The following CIITA variants were observed in gnomAD, a reference collection of about 807,000 sequenced individuals.
CIITA encodes class II major histocompatibility complex transactivator, also known as MHC class II transactivator.
CIITA carries 72 observed loss-of-function variants against 115.1 expected under a neutral mutation model. The ratio of observed to expected loss-of-function variants is 0.63; its 90% CI spans 0.52 to 0.76. The LOEUF (loss-of-function observed/expected upper bound fraction) is 0.76. Ranked by LOEUF, CIITA falls within the 30% of genes least tolerant of loss-of-function variation. The probability of loss-of-function intolerance (pLI) is 0.00; values close to 1 mark genes in which losing one functional copy is unlikely to be tolerated. For synonymous variants in CIITA, 763 were observed against 635.6 expected (o/e 1.20, Z -3.02); for missense variants, 1,617 against 1,463.8 (o/e 1.10, Z -1.71).
chr16:10,901,419 T>C lies in CIITA; in HGVS notation c.437-95T>C, dbSNP rs1426080021. ...GACCCCCAAGACCACTACCCAGCCT[T>C]GAAGTTAAGGCCGTATAGCCTGCTA... is the stretch of plus-strand genomic sequence containing the variant. On this transcript the variant is annotated intron_variant, in intron 5 of 19. Coordinates refer to ENST00000324288, the MANE Select transcript of CIITA (RefSeq NM_000246.4). The surrounding 1 kb of genome is among the most constrained non-coding windows in gnomAD (Gnocchi z 6.8). 2 of 1,360,474 alleles carry C rather than the reference T, an allele frequency of 1.5e-6. No homozygotes were observed. The highest frequency in any genetic ancestry group is 2.1e-6 in the Non-Finnish European group (2 of 955,948). The allele number at this position is 1,360,474 out of a possible 1,614,324, so 84.3% of individuals were successfully genotyped here.
At chr16:10,895,476 C>G (rs1596498335) in intron 2 of CIITA, 48 bp downstream of exon 2, 1 of 1,609,450 alleles carries the variant, frequency 6.2e-7, no homozygotes, top group African/African-American at 1.3e-5. Flanking sequence ...CACCCCTCAG[C>G]TTGCTGTAGA....
intron 2 of CIITA, 78 bp from the exon 3 acceptor site, chr16:10,895,591 T>C: frequency 6.3e-7 from 1 of 1,582,926 alleles, no homozygotes; most frequent in South Asian, 1.1e-5. Flanking sequence ...CTCCCAGCCC[T>C]GCCCCGCCTC....
rs1227750640 is a variant in CIITA at position 10,907,157 on chromosome 16, G to C, written c.1665G>C (p.Gln555His). The change falls in exon 11 of 20, where the codon CAG becomes CAC. Residue 555 changes from glutamine to histidine, a missense_variant. Physicochemically the swap from Gln to His is conservative, Grantham distance 24. Coordinates refer to ENST00000324288, the MANE Select transcript of CIITA (RefSeq NM_000246.4). The surrounding 1 kb of genome is among the most constrained non-coding windows in gnomAD (Gnocchi z 5.0). ...LTARPRGRLVQSLSKADALFE... is the reference protein window; with the variant it reads ...LTARPRGRLVHSLSKADALFE... ...CCCGGCCCCGGGGCCGCCTGGTCCA[G>C]AGCCTGAGCAAGGCCGACGCCCTAT... 1.2e-6 allele frequency: 2 copies of C among 1,612,878 alleles called. No individual in the cohort carries two copies. The highest frequency in any genetic ancestry group is 1.7e-6 in the Non-Finnish European group (2 of 1,179,826).
At chr16:10,871,291 A>C (rs1356504807) in intron 1 of CIITA, among the ~76,000 whole-genome samples, 1 of 152,176 alleles carries the variant, frequency 6.6e-6, no homozygotes, top group African/African-American at 2.4e-5. Flanking sequence ...CACAAGCCCA[A>C]CGTGCATGGT....
chr16:10,909,586 G>T (rs560991415), intron 12 of CIITA, among the ~76,000 whole-genome samples: 1 of 152,326 alleles, frequency 6.6e-6, no homozygotes, highest in South Asian at 2.1e-4. Flanking sequence ...GACAAAACTT[G>T]ATTACAGAAC....
At position 10,898,950 on chromosome 16, in the gene CIITA, C is replaced by T. The variant is rs140106499; in HGVS notation, c.384C>T (p.Ile128=). 157 of 1,613,906 alleles carry T rather than the reference C, an allele frequency of 9.7e-5. 1 individual carries two copies. In the South Asian group the frequency reaches 9.9e-4, roughly 10 times the overall value. The part of the protein sequence containing the change: ...IFKHIGPDEV[I]GESMEMPAEV... ...AGCACATAGGACCAGATGAAGTGAT[C>T]GGTGAGAGTATGGAGATGCCAGCAG... The change falls in exon 5 of 20, where the codon ATC becomes ATT. Residue 128 remains isoleucine (I), a synonymous_variant. Coordinates refer to ENST00000324288, the MANE Select transcript of CIITA (RefSeq NM_000246.4).
chr16:10,890,085 G>C (rs1009324549), intron 1 of CIITA, among the ~76,000 whole-genome samples: 1 of 152,154 alleles, frequency 6.6e-6, no homozygotes, highest in Non-Finnish European at 1.5e-5. Context: ...TGCTTAAGGT[G>C]CAGGCTTCAG....
At chr16:10,899,046 C>G (rs571040133) in intron 5 of CIITA, 44 bp downstream of exon 5, 5 of 1,590,742 alleles carry the variant, frequency 3.1e-6, no homozygotes, top group Admixed American at 1.7e-5. Flanking sequence ...TGCTTGAGAC[C>G]TGGCCTTTCC....
chr16:10,911,247 CTT>C (rs1230560796), intron 13 of CIITA, among the ~76,000 whole-genome samples: 5 of 149,632 alleles, frequency 3.3e-5, no homozygotes, highest in African/African-American at 1.2e-4. Flanking sequence ...TTCTTTCTTT[CTT>C]TCTCTCTTTC....
At chr16:10,922,833 G>A (rs950341969) in intron 18 of CIITA, 6 of 510,692 alleles carry the variant, frequency 1.2e-5, no homozygotes, top group East Asian at 3.5e-5. Context: ...ATTTCATATG[G>A]TTCAGGTTTA....
chr16:10,892,868 G>T (rs968631404), intron 1 of CIITA, among the ~76,000 whole-genome samples: 1 of 152,154 alleles, frequency 6.6e-6, no homozygotes, highest in Admixed American at 6.5e-5. Context: ...GGAGGTGGAG[G>T]TTGCAGTGAG....
Position 10,941,900 on chromosome 16 carries a change from C to T in CIITA, n.1026C>T. ...GCGTAGTACAGGATCAGCACATTGA[C>T]GAAGAACAGGCCCACGTAGAACATA... is the stretch of plus-strand genomic sequence containing the variant. On this transcript the variant is annotated non_coding_transcript_exon_variant, in exon 2 of 2. Transcript: ENST00000573379. This position sits in a 1 kb window ranked among gnomAD's most constrained non-coding sequence, Gnocchi z 6.4. The T allele has an allele frequency of 6.2e-7, 1 of 1,609,284 alleles. No homozygotes were observed.
At chr16:10,902,009 A>C in intron 6 of CIITA, 29 bp from the exon 7 acceptor site, 1 of 1,613,408 alleles carries the variant, frequency 6.2e-7, no homozygotes, top group Non-Finnish European at 8.5e-7. Context: ...CCAAGCACCC[A>C]GTCTCTAACA....
At chr16:10,895,648 C>T in intron 2 of CIITA, 21 bp from the exon 3 acceptor site, 1 of 1,613,960 alleles carries the variant, frequency 6.2e-7, no homozygotes, top group Non-Finnish European at 8.5e-7. Context: ...CCTTCTTCAT[C>T]CAAGGGACTT....
chr16:10,896,669 C>T (rs931860957), intron 3 of CIITA, among the ~76,000 whole-genome samples: 7 of 152,190 alleles, frequency 4.6e-5, no homozygotes, highest in Non-Finnish European at 7.3e-5. Context: ...AAGTGCAAGC[C>T]GGAGTCCTGC....
chr16:10,921,902 G>T (rs1201707154), intron 16 of CIITA, among the ~76,000 whole-genome samples: 1 of 152,322 alleles, frequency 6.6e-6, no homozygotes, highest in South Asian at 2.1e-4. Flanking sequence ...CTGAACAAGA[G>T]AACTAGTGGG....
chr16:10,895,700 G>A lies in CIITA; in HGVS notation c.231G>A (p.Gln77=). The A allele has an allele frequency of 6.2e-7, 1 of 1,614,094 alleles. No homozygotes were observed. The highest frequency in any genetic ancestry group is 8.5e-7 in the Non-Finnish European group (1 of 1,180,020). ...ACACAGACACCATCAACTGCGACCA[G>A]TTCAGCAGGCTGTTGTGTGACATGG... ...EPDTDTINCD[Q]FSRLLCDMEG... is the part of the protein sequence containing the mutation. The change falls in exon 3 of 20, where the codon CAG becomes CAA. Residue 77 remains glutamine (Q), a synonymous_variant. Transcript: ENST00000324288.
intron 4 of CIITA, 59 bp from the exon 5 acceptor site, chr16:10,898,866 A>G (rs2038414929): frequency 6.3e-7 from 1 of 1,597,712 alleles, no homozygotes; most frequent in Non-Finnish European, 8.6e-7. Flanking sequence ...GGTACAATAG[A>G]GACTCACCTT....
At chr16:10,909,908 A>C (rs2039441475) in intron 12 of CIITA, among the ~76,000 whole-genome samples, 1 of 151,404 alleles carries the variant, frequency 6.6e-6, no homozygotes, top group Non-Finnish European at 1.5e-5. Flanking sequence ...TGATTTTTTA[A>C]GTTTTTGTAG....
Sources: gnomAD v4.1 joint callset for allele counts (sites outside exome capture counted in the v4.1 genomes callset) on GRCh38, gnomAD v4.1.1 for gene constraint, Gnocchi (gnomAD v3.1) non-coding constraint, MANE v1.5 for transcripts, NCBI Gene and HGNC (gene_info 2026-07-23, HGNC 2026-07-21) for gene names.